Variants in MKLN1 observed in about 807,000 individuals in gnomAD.
MKLN1 encodes the protein muskelin.
Under a neutral mutation model 99.0 loss-of-function variants are expected in MKLN1, and 18 were observed. The ratio of observed to expected loss-of-function variants is 0.18; its 90% CI spans 0.13 to 0.27. The LOEUF is 0.27. MKLN1 is among the 10% of genes least tolerant of loss of function. The probability of loss-of-function intolerance (pLI) is 1.00; values close to 1 mark genes in which losing one functional copy is unlikely to be tolerated. For missense variants in MKLN1, 621 were observed against 875.9 expected (o/e 0.71, Z 3.67); for synonymous variants, 288 against 293.2 (o/e 0.98, Z 0.18).
At chr7:131,430,471 A>C (rs183094401) in intron 9 of MKLN1, among the ~76,000 whole-genome samples, 11 of 152,198 alleles carry the variant, frequency 7.2e-5, no homozygotes, top group African/African-American at 2.2e-4. Context: ...TAAAAAAAAA[A>C]CTAACTTTTT....
Position 131,429,038 on chromosome 7 carries a change from GTTTA to G in MKLN1, c.857_860del (p.Tyr286CysfsTer19). The G allele has an allele frequency of 6.2e-7, 1 of 1,612,250 alleles. No individual in the cohort carries two copies. Among genetic ancestry groups the G allele is most frequent in the Non-Finnish European group, 8.5e-7 (1 of 1,178,832 alleles). On this transcript the variant is annotated frameshift_variant, in exon 9 of 18. Transcript: ENST00000352689. LOFTEE classifies it high-confidence loss of function. ...TATTTTTCTGATTTTCATAGAGACT[GTTTA>G]TTTGTTTGGTGGCTGGGATGGAACA...
chr7:131,123,053 T>A (rs1423198155), intron 1 of MKLN1, among the ~76,000 whole-genome samples: 1 of 112,944 alleles, frequency 8.9e-6, no homozygotes, highest in Non-Finnish European at 1.8e-5. Context: ...AAAAAAAGTG[T>A]TGCTGCTATC....
intron 3 of MKLN1, among the ~76,000 whole-genome samples, chr7:131,215,064 C>G (rs1308049278): frequency 6.6e-6 from 1 of 152,110 alleles, no homozygotes; most frequent in African/African-American, 2.4e-5. Context: ...AATCAGCATA[C>G]AAGACAGAGT....
intron 17 of MKLN1, among the ~76,000 whole-genome samples, chr7:131,484,023 G>A (rs1395573915): frequency 6.6e-6 from 1 of 150,862 alleles, no homozygotes; most frequent in Non-Finnish European, 1.5e-5. Flanking sequence ...ATTATATAAT[G>A]TAAAAACATA....
intron 10 of MKLN1, among the ~76,000 whole-genome samples, chr7:131,441,310 TGAG>T (rs1795833063): frequency 6.6e-6 from 1 of 152,182 alleles, no homozygotes; most frequent in Admixed American, 6.6e-5. Context: ...TCAAATTTTG[TGAG>T]GAGAAGATTA....
chr7:131,114,714 G>A (rs1795248038), intron 1 of MKLN1, among the ~76,000 whole-genome samples: 1 of 152,098 alleles, frequency 6.6e-6, no homozygotes, highest in African/African-American at 2.4e-5. Context: ...GGAAGGCCGA[G>A]GTGAGCGAAT....
At chr7:131,238,910 G>A (rs1797361841) in intron 3 of MKLN1, among the ~76,000 whole-genome samples, 1 of 152,184 alleles carries the variant, frequency 6.6e-6, no homozygotes, top group Admixed American at 6.5e-5. Context: ...GAGAAGTGGT[G>A]CACATAAACT....
chr7:131,463,643 T>C (rs1796580592), intron 13 of MKLN1, among the ~76,000 whole-genome samples: 1 of 152,208 alleles, frequency 6.6e-6, no homozygotes, highest in Non-Finnish European at 1.5e-5. Flanking sequence ...ATGTGTGAAC[T>C]TGAGAACAGT....
chr7:131,312,798 G>GA (rs1386192990), intron 3 of MKLN1, among the ~76,000 whole-genome samples: 1 of 152,098 alleles, frequency 6.6e-6, no homozygotes, highest in African/African-American at 2.4e-5. Context: ...AATTTTCAGT[G>GA]AAAAACCTAA....
chr7:131,111,915 T>G (rs374223089), intron 1 of MKLN1, among the ~76,000 whole-genome samples: 52 of 152,360 alleles, frequency 3.4e-4, no homozygotes, highest in African/African-American at 1.1e-3. Context: ...GAGAACACAG[T>G]GTGACTACAA....
At chr7:131,190,429 T>C (rs1796517718) in intron 2 of MKLN1, among the ~76,000 whole-genome samples, 1 of 151,110 alleles carries the variant, frequency 6.6e-6, no homozygotes. Flanking sequence ...ATGCTGCAAT[T>C]GGAAATTTCC....
At chr7:131,405,427 C>T (rs1160141997) in intron 6 of MKLN1, among the ~76,000 whole-genome samples, 2 of 151,896 alleles carry the variant, frequency 1.3e-5, no homozygotes, top group Non-Finnish European at 2.9e-5. Context: ...TTGGTTTGTT[C>T]ATCTTTTCTG....
At chr7:131,125,803 G>A (rs1459014734) in intron 1 of MKLN1, among the ~76,000 whole-genome samples, 1 of 152,016 alleles carries the variant, frequency 6.6e-6, no homozygotes, top group African/African-American at 2.4e-5. Flanking sequence ...AGGAGATCGA[G>A]ACCATCCTGG....
chr7:131,317,395 A>T (rs1798688811), intron 3 of MKLN1, among the ~76,000 whole-genome samples: 1 of 152,192 alleles, frequency 6.6e-6, no homozygotes, highest in African/African-American at 2.4e-5. Flanking sequence ...CTTCCCAAAC[A>T]GGCAAATGCT....
intron 3 of MKLN1, among the ~76,000 whole-genome samples, chr7:131,227,481 TTC>T (rs1296196790): frequency 2.7e-5 from 4 of 145,966 alleles, no homozygotes; most frequent in East Asian, 2.0e-4. Context: ...CTTTCTCTCT[TTC>T]TCTCTTTCTT....
intron 2 of MKLN1, among the ~76,000 whole-genome samples, chr7:131,153,659 T>TTTAG (rs1795921788): frequency 4.9e-5 from 3 of 60,756 alleles, no homozygotes; most frequent in Non-Finnish European, 1.4e-4. Flanking sequence ...AGTAGGTTTT[T>TTTAG]TTTGGTTTTT....
At chr7:131,227,459 G>GTTTC (rs1320069298) in intron 3 of MKLN1, among the ~76,000 whole-genome samples, 6 of 81,086 alleles carry the variant, frequency 7.4e-5, no homozygotes, top group African/African-American at 2.3e-4. Flanking sequence ...TCTCTTCTTT[G>GTTTC]TTTCTTTCTT....
chr7:131,445,967 A>C, intron 12 of MKLN1, 64 bp downstream of exon 12: 1 of 1,101,068 alleles, frequency 9.1e-7, no homozygotes, highest in South Asian at 2.1e-5. Flanking sequence ...ACTGCAGTTC[A>C]TTCTCTTTTC....
At chr7:131,427,626 T>A (rs1477521899) in intron 8 of MKLN1, among the ~76,000 whole-genome samples, 1 of 152,276 alleles carries the variant, frequency 6.6e-6, no homozygotes, top group Admixed American at 6.5e-5. Context: ...TGATCTCAGC[T>A]CCCTGCAACC....
Sources: allele counts gnomAD v4.1 joint callset (sites outside exome capture counted in the v4.1 genomes callset), GRCh38; gene constraint gnomAD v4.1.1; transcripts MANE v1.5; gene names NCBI Gene and HGNC (gene_info 2026-07-23, HGNC 2026-07-21).